Variants in RBFOX1 observed in about 807,000 individuals in gnomAD.
RBFOX1 encodes the protein RNA binding fox-1 homolog 1.
In RBFOX1, 8 loss-of-function variants were observed where a neutral mutation model predicts 57.7. The ratio of observed to expected loss-of-function variants is 0.14; its 90% confidence interval spans 0.08 to 0.25. RBFOX1 has a LOEUF of 0.25. Ranked by LOEUF, RBFOX1 falls within the 10% of genes least tolerant of loss-of-function variation. The probability of loss-of-function intolerance (pLI) is 1.00; values close to 1 mark genes in which losing one functional copy is unlikely to be tolerated. For synonymous variants in RBFOX1, 326 were observed against 222.4 expected (o/e 1.47, Z -4.15); for missense variants, 611 against 548.5 (o/e 1.11, Z -1.14).
chr16:7,393,462 T>A (rs528262836), intron 4 of RBFOX1, among the ~76,000 whole-genome samples: 12 of 152,284 alleles, frequency 7.9e-5, no homozygotes, highest in Non-Finnish European at 1.6e-4. Context: ...ATATAGTTTC[T>A]ATATAATTTT....
chr16:6,926,776 C>T (rs2075666721), intron 3 of RBFOX1, among the ~76,000 whole-genome samples: 2 of 151,472 alleles, frequency 1.3e-5, no homozygotes, highest in Admixed American at 6.6e-5. Flanking sequence ...AATGCTTCTG[C>T]TGGGTCTCTT....
chr16:5,863,636 G>A (rs955906519), intron 3 of RBFOX1, among the ~76,000 whole-genome samples: 3 of 152,198 alleles, frequency 2.0e-5, no homozygotes, highest in African/African-American at 7.2e-5. Flanking sequence ...CACTCTGAAT[G>A]CAGCGTAGAG....
At chr16:6,993,918 T>G (rs1462876843) in intron 3 of RBFOX1, among the ~76,000 whole-genome samples, 1 of 152,202 alleles carries the variant, frequency 6.6e-6, no homozygotes, top group African/African-American at 2.4e-5. Context: ...GTATTGATTG[T>G]AGCCAATAAG....
intron 1 of RBFOX1, among the ~76,000 whole-genome samples, chr16:6,062,644 C>CATATCTATATGTATCTATACATAGATAT (rs1349345646): frequency 4.1e-5 from 1 of 24,446 alleles, no homozygotes; most frequent in East Asian, 4.3e-4. Flanking sequence ...TACATATATA[C>CATATCTATATGTATCTATACATAGATAT]ATATCTATAT....
intron 3 of RBFOX1, among the ~76,000 whole-genome samples, chr16:6,929,696 A>C (rs1597501276): frequency 6.8e-6 from 1 of 147,834 alleles, no homozygotes; most frequent in Non-Finnish European, 1.5e-5. Context: ...AGAATGTGTT[A>C]CTACGGGGTT....
chr16:6,532,223 C>T (rs1019591641), intron 2 of RBFOX1, among the ~76,000 whole-genome samples: 1 of 152,060 alleles, frequency 6.6e-6, no homozygotes, highest in Non-Finnish European at 1.5e-5. Context: ...GGCAAAGTAC[C>T]CAATGTATGG....
chr16:7,615,732 G>A (rs779202924), intron 10 of RBFOX1, among the ~76,000 whole-genome samples: 12 of 152,020 alleles, frequency 7.9e-5, no homozygotes, highest in Non-Finnish European at 1.6e-4. Flanking sequence ...GTGGGGGCGG[G>A]GATTGGGGAG....
At chr16:6,771,253 A>T (rs944922170) in intron 3 of RBFOX1, among the ~76,000 whole-genome samples, 1 of 152,152 alleles carries the variant, frequency 6.6e-6, no homozygotes, top group African/African-American at 2.4e-5. Flanking sequence ...ATTGTGAGAA[A>T]ATAAATTTCT....
rs79687514 is a variant in RBFOX1, at chr16:6,877,980, C to T, written c.-15-174077C>T. On this transcript the variant is annotated intron_variant, in intron 3 of 15. Coordinates refer to ENST00000550418, the MANE Select transcript of RBFOX1 (RefSeq NM_018723.4). ...AGTAGGGGATAAGGGTTTCAGAGAG[C>T]CGAGTCATTGTGCTTAAGCATATAG... Among the ~76,000 whole-genome samples the T allele has an allele frequency of 7.9e-3, 1,194 of 152,094 alleles. 18 individuals carry two copies. Among genetic ancestry groups the T allele is most frequent in the African/African-American group, 0.027 (1,136 of 41,470 alleles).
At chr16:5,874,127 C>G (rs1597591685) in intron 4 of RBFOX1, among the ~76,000 whole-genome samples, 1 of 152,308 alleles carries the variant, frequency 6.6e-6, no homozygotes, top group East Asian at 1.9e-4. Context: ...ACCCATGGCA[C>G]TGAGTTTGGC....
At chr16:7,429,573 C>A (rs908654199) in intron 4 of RBFOX1, among the ~76,000 whole-genome samples, 6 of 152,198 alleles carry the variant, frequency 3.9e-5, no homozygotes, top group African/African-American at 1.4e-4. Flanking sequence ...CTCTCATACA[C>A]CCAGAGCCTA....
Position 6,019,309 on chromosome 16 carries a change from C to G in RBFOX1, c.-810C>G. Reference sequence around the variant, plus strand: ...CGGGGTTTGAAGGTCACCTCCTTTCCAGTCCCCGTGCGAGCCGCGCTGCCG... The same window carrying G: ...CGGGGTTTGAAGGTCACCTCCTTTCGAGTCCCCGTGCGAGCCGCGCTGCCG... On this transcript the variant is annotated 5_prime_UTR_variant, in exon 1 of 16. Coordinates refer to ENST00000550418, the MANE Select transcript of RBFOX1 (RefSeq NM_018723.4). The surrounding 1 kb of genome is among the most constrained non-coding windows in gnomAD (Gnocchi z 4.2). The G allele has an allele frequency of 1.0e-6, 1 of 985,306 alleles. No homozygotes were observed. Among genetic ancestry groups the G allele is most frequent in the Non-Finnish European group, 1.2e-6 (1 of 830,250 alleles). 61.0% of individuals were successfully genotyped at this position (985,306 alleles called of 1,614,324 possible).
In RBFOX1 at chr16:7,556,590, C is replaced by T. The variant is rs528627533; in HGVS notation, c.271-23187C>T. Among the ~76,000 whole-genome samples, 244 of 152,222 alleles carry T rather than the reference C, an allele frequency of 1.6e-3. 1 individual carries two copies. The highest frequency in any genetic ancestry group is 5.6e-3 in the African/African-American group (232 of 41,518). The stretch of plus-strand genomic sequence containing the variant: ...CATTTTCAACATTCTCTTTTGGATA[C>T]AGAGTTTCATTCACCTAAGAAAGCT... On this transcript the variant is annotated intron_variant, in intron 5 of 15. Coordinates refer to ENST00000550418, the MANE Select transcript of RBFOX1 (RefSeq NM_018723.4).
intron 2 of RBFOX1, among the ~76,000 whole-genome samples, chr16:5,478,819 T>G (rs770172596): frequency 2.0e-5 from 3 of 152,088 alleles, no homozygotes; most frequent in Non-Finnish European, 4.4e-5. Flanking sequence ...AGGGCATTTA[T>G]AGGCCCTACT....
intron 2 of RBFOX1, among the ~76,000 whole-genome samples, chr16:6,478,029 C>G (rs1397660807): frequency 6.6e-6 from 1 of 152,032 alleles, no homozygotes; most frequent in Non-Finnish European, 1.5e-5. Flanking sequence ...CTGGATTAGG[C>G]TTTGGCTTAA....
intron 4 of RBFOX1, among the ~76,000 whole-genome samples, chr16:5,888,061 C>G (rs2057943987): frequency 6.6e-6 from 1 of 152,280 alleles, no homozygotes; most frequent in Non-Finnish European, 1.5e-5. Flanking sequence ...CAAGACTGCC[C>G]TCCTGCAAGA....
chr16:6,767,941 T>TAAGAAGAAGAAGAAGAAG (rs1306795041), intron 3 of RBFOX1, among the ~76,000 whole-genome samples: 78 of 85,110 alleles, frequency 9.2e-4, no homozygotes, highest in African/African-American at 3.1e-3. Context: ...ATAATAATAA[T>TAAGAAGAAGAAGAAGAAG]AATAATAAGA....
chr16:5,657,736 TC>T (rs67929447), intron 3 of RBFOX1, among the ~76,000 whole-genome samples: 14,013 of 126,616 alleles, frequency 0.11, 2,535 homozygotes, highest in East Asian at 0.34. Flanking sequence ...TCTTTTCTTT[TC>T]TTTTTTTTTT....
chr16:6,465,057 C>T (rs1304056661), intron 2 of RBFOX1, among the ~76,000 whole-genome samples: 2 of 152,196 alleles, frequency 1.3e-5, no homozygotes, highest in African/African-American at 2.4e-5. Context: ...ATTGTCCACA[C>T]AGTATATATA....
Sources: gnomAD v4.1 joint callset for allele counts (sites outside exome capture counted in the v4.1 genomes callset) on GRCh38, gnomAD v4.1.1 for gene constraint, Gnocchi (gnomAD v3.1) non-coding constraint, MANE v1.5 for transcripts, NCBI Gene and HGNC (gene_info 2026-07-23, HGNC 2026-07-21) for gene names.